AGBL1: variants seen among roughly 807,000 people sequenced by gnomAD.
AGBL1 encodes the protein cytosolic carboxypeptidase 4.
A neutral mutation model predicts 118.9 loss-of-function variants in AGBL1; 130 were observed. The ratio of observed to expected loss-of-function variants is 1.09; its 90% CI spans 0.95 to 1.26. AGBL1 has a LOEUF of 1.26. Ranked by LOEUF, AGBL1 falls within the 50% of genes most tolerant of loss-of-function variation. AGBL1 has a pLI of 0.00. For synonymous variants in AGBL1, 555 were observed against 478.9 expected, an observed-to-expected ratio of 1.16 and a Z score of -2.08; for missense variants, 1,584 against 1,298.1, an observed-to-expected ratio of 1.22 and a Z score of -3.38.
At position 86,624,802 on chromosome 15, in the gene AGBL1, A is replaced by T. The variant is rs759374708; in HGVS notation, c.2995-49471A>T. Among the ~76,000 whole-genome samples, 7 of 152,288 alleles carry T rather than the reference A, an allele frequency of 4.6e-5. No homozygotes were observed. In the East Asian group the frequency reaches 7.7e-4, roughly 17 times the overall value. ...CCTCTACAAACTCAGGAGGGAGACA[A>T]GGTCTGAAAGGTCAGACACCAGCAG... On this transcript the variant is annotated intron_variant, in intron 21 of 22. Transcript: ENST00000614907.
chr15:86,208,868 A>C (rs888064681), intron 5 of AGBL1, among the ~76,000 whole-genome samples: 2 of 151,834 alleles, frequency 1.3e-5, no homozygotes, highest in African/African-American at 4.8e-5. Context: ...CTAGCTTTTG[A>C]ATTTGTTTGC....
intron 22 of AGBL1, among the ~76,000 whole-genome samples, chr15:86,789,944 G>A (rs1056399843): frequency 1.3e-5 from 2 of 152,120 alleles, no homozygotes; most frequent in Non-Finnish European, 2.9e-5. Context: ...AAACTCCACC[G>A]TCAGTAACAT....
At chr15:86,147,068 G>A (rs754909945) in intron 3 of AGBL1, among the ~76,000 whole-genome samples, 3 of 152,266 alleles carry the variant, frequency 2.0e-5, no homozygotes, top group Non-Finnish European at 4.4e-5. Flanking sequence ...TTAAAATAAT[G>A]AGGACTATTT....
At chr15:86,274,074 A>G (rs1347160537) in intron 15 of AGBL1, among the ~76,000 whole-genome samples, 1 of 152,200 alleles carries the variant, frequency 6.6e-6, no homozygotes. Context: ...GTGTATATGC[A>G]TTACTATACT....
At chr15:86,288,030 C>T (rs2141748522) in intron 16 of AGBL1, among the ~76,000 whole-genome samples, 1 of 152,282 alleles carries the variant, frequency 6.6e-6, no homozygotes, top group East Asian at 1.9e-4. Flanking sequence ...GCCTTCTCCA[C>T]CTCCTTGTTC....
intron 19 of AGBL1, among the ~76,000 whole-genome samples, chr15:86,542,486 C>A (rs1555424087): frequency 6.6e-6 from 1 of 151,576 alleles, no homozygotes; most frequent in Non-Finnish European, 1.5e-5. Context: ...CCTGCCTCAG[C>A]CTCCTAAGTA....
chr15:86,292,396 G>A (rs2079561718), intron 16 of AGBL1, among the ~76,000 whole-genome samples: 1 of 152,150 alleles, frequency 6.6e-6, no homozygotes, highest in Admixed American at 6.5e-5. Flanking sequence ...AAGAGATCTT[G>A]TATAGAGCTT....
chr15:86,166,305 A>G (rs2077340818), intron 5 of AGBL1, among the ~76,000 whole-genome samples: 1 of 152,228 alleles, frequency 6.6e-6, no homozygotes, highest in South Asian at 2.1e-4. Flanking sequence ...CTATGCCAAC[A>G]AGAATGATGT....
chr15:86,752,877 T>C (rs1018665259), intron 22 of AGBL1, among the ~76,000 whole-genome samples: 4 of 152,228 alleles, frequency 2.6e-5, no homozygotes, highest in South Asian at 2.1e-4. Context: ...CTTGATTAGA[T>C]GAGGGACATT....
intron 21 of AGBL1, among the ~76,000 whole-genome samples, chr15:86,652,912 A>C (rs2085399035): frequency 6.6e-6 from 1 of 152,188 alleles, no homozygotes; most frequent in Admixed American, 6.6e-5. Context: ...AATGGGCATC[A>C]AATGAGGAGA....
At chr15:86,900,410 A>T (rs1010021766) in intron 22 of AGBL1, among the ~76,000 whole-genome samples, 6 of 152,188 alleles carry the variant, frequency 3.9e-5, no homozygotes, top group African/African-American at 1.2e-4. Context: ...TCTTATCAGA[A>T]TGCTTAGTAA....
chr15:86,775,123 A>G, intron 22 of AGBL1, among the ~76,000 whole-genome samples: 1 of 152,180 alleles, frequency 6.6e-6, no homozygotes, highest in Non-Finnish European at 1.5e-5. Flanking sequence ...GACAGATGTT[A>G]AACAAATGAT....
chr15:86,223,030 G>A (rs936707349), intron 5 of AGBL1, among the ~76,000 whole-genome samples: 1 of 152,134 alleles, frequency 6.6e-6, no homozygotes, highest in African/African-American at 2.4e-5. Flanking sequence ...TGAGGCTGCT[G>A]GTTAGAGACC....
chr15:86,494,025 T>G (rs563161412), intron 18 of AGBL1, among the ~76,000 whole-genome samples: 1 of 152,084 alleles, frequency 6.6e-6, no homozygotes, highest in African/African-American at 2.4e-5. Context: ...GCAGGCATAC[T>G]GGTTCTTCCT....
chr15:86,492,863 A>G (rs2082801625), intron 18 of AGBL1, among the ~76,000 whole-genome samples: 1 of 152,216 alleles, frequency 6.6e-6, no homozygotes, highest in South Asian at 2.1e-4. Flanking sequence ...GGAGGTGAAG[A>G]GAGACAACAT....
intron 24 of AGBL1, among the ~76,000 whole-genome samples, chr15:87,000,669 C>T (rs2081427667): frequency 1.7e-5 from 2 of 120,388 alleles, no homozygotes; most frequent in South Asian, 3.4e-4. Context: ...CGTGATGCCT[C>T]CAGCTTTGTT....
At chr15:86,949,231 C>T (rs1261989469) in intron 23 of AGBL1, among the ~76,000 whole-genome samples, 1 of 151,832 alleles carries the variant, frequency 6.6e-6, no homozygotes, top group Non-Finnish European at 1.5e-5. Context: ...TGCAGCAGAC[C>T]CATGTTCCTA....
chr15:86,773,971 A>C (rs2078217304), intron 22 of AGBL1, among the ~76,000 whole-genome samples: 1 of 152,098 alleles, frequency 6.6e-6, no homozygotes, highest in Admixed American at 6.6e-5. Context: ...ATATAAATCT[A>C]TTCTCAGGGA....
At chr15:86,157,494 G>A (rs2077208361) in intron 4 of AGBL1, among the ~76,000 whole-genome samples, 1 of 152,166 alleles carries the variant, frequency 6.6e-6, no homozygotes, top group Admixed American at 6.5e-5. Flanking sequence ...TCCTTCAGCT[G>A]AGTTCTGAGA....
Sources: allele counts gnomAD v4.1 joint callset (sites outside exome capture counted in the v4.1 genomes callset), GRCh38; gene constraint gnomAD v4.1.1; transcripts MANE v1.5; gene names NCBI Gene and HGNC (gene_info 2026-07-23, HGNC 2026-07-21).